Variants in CMSS1 observed in about 807,000 individuals in gnomAD.
CMSS1 encodes protein CMSS1.
In CMSS1, 33 loss-of-function variants were observed where a neutral mutation model predicts 43.5. The observed-to-expected ratio is 0.76, with a 90% CI of 0.57 to 1.01. The LOEUF (loss-of-function observed/expected upper bound fraction) is 1.01, where lower values mean the gene tolerates loss of function less well. Among genes scored for constraint, CMSS1 ranks in the 50% least tolerant of loss-of-function variants. The pLI, the probability that CMSS1 is intolerant of heterozygous loss-of-function variation, is 0.00. For missense variants in CMSS1, 313 were observed against 326.4 expected, an observed-to-expected ratio of 0.96 and a Z score of 0.32; for synonymous variants, 115 against 117.2, an observed-to-expected ratio of 0.98 and a Z score of 0.12.
intron 1 of CMSS1, among the ~76,000 whole-genome samples, chr3:99,823,958 T>G (rs1354953606): frequency 6.6e-6 from 1 of 150,702 alleles, no homozygotes; most frequent in African/African-American, 2.4e-5. Context: ...AGTCTCGCCC[T>G]GTCACCCAGG....
At chr3:99,832,018 G>A (rs1257674213) in intron 1 of CMSS1, among the ~76,000 whole-genome samples, 8 of 152,166 alleles carry the variant, frequency 5.3e-5, no homozygotes, top group Non-Finnish European at 8.8e-5. Context: ...ACACTGATAC[G>A]TGTTGGTGAA....
chr3:100,013,007 G>A (rs991358570), intron 1 of CMSS1, among the ~76,000 whole-genome samples: 3 of 151,708 alleles, frequency 2.0e-5, no homozygotes, highest in South Asian at 2.1e-4. Flanking sequence ...CATGTTGTCC[G>A]GGCTGATCTT....
At chr3:100,089,192 G>A (rs2066062630) in intron 1 of CMSS1, among the ~76,000 whole-genome samples, 1 of 152,162 alleles carries the variant, frequency 6.6e-6, no homozygotes, top group Non-Finnish European at 1.5e-5. Flanking sequence ...CCAACGTCTA[G>A]CTCTTGTTTT....
At chr3:99,902,591 G>A (rs1706472697) in intron 1 of CMSS1, among the ~76,000 whole-genome samples, 1 of 152,108 alleles carries the variant, frequency 6.6e-6, no homozygotes. Flanking sequence ...TTTGATCCAG[G>A]GAAGAAACCT....
intron 1 of CMSS1, among the ~76,000 whole-genome samples, chr3:100,119,631 T>A (rs2066603420): frequency 6.6e-6 from 1 of 152,132 alleles, no homozygotes; most frequent in African/African-American, 2.4e-5. Context: ...TTTAACCAAA[T>A]GAACAAAGGA....
At chr3:99,888,804 T>C (rs1028898221) in intron 1 of CMSS1, among the ~76,000 whole-genome samples, 1 of 152,184 alleles carries the variant, frequency 6.6e-6, no homozygotes, top group African/African-American at 2.4e-5. Flanking sequence ...TAAATTTCCT[T>C]GCAAAAAAAT....
intron 1 of CMSS1, among the ~76,000 whole-genome samples, chr3:99,856,837 GAGTATT>G (rs764467674): frequency 1.6e-4 from 24 of 152,114 alleles, no homozygotes; most frequent in African/African-American, 5.6e-4. Flanking sequence ...GTGAGACACT[GAGTATT>G]AGTAATAATG....
chr3:100,108,002 G>C (rs1379663715), intron 1 of CMSS1, among the ~76,000 whole-genome samples: 1 of 152,012 alleles, frequency 6.6e-6, no homozygotes, highest in Non-Finnish European at 1.5e-5. Flanking sequence ...TCAATTTTCT[G>C]GGATTTTTCT....
intron 1 of CMSS1, among the ~76,000 whole-genome samples, chr3:99,977,471 G>GTAGC (rs1346195084): frequency 1.3e-5 from 2 of 152,076 alleles, no homozygotes; most frequent in Non-Finnish European, 2.9e-5. Flanking sequence ...GTTGGATAGA[G>GTAGC]TAGCTATGAG....
At chr3:99,930,893 T>A (rs1707460104) in intron 1 of CMSS1, 1 of 1,613,444 alleles carries the variant, frequency 6.2e-7, no homozygotes, top group African/African-American at 1.3e-5. Flanking sequence ...TACATCCGAC[T>A]CACTGGGGGA....
intron 1 of CMSS1, among the ~76,000 whole-genome samples, chr3:99,885,595 G>A (rs1194560226): frequency 6.6e-6 from 1 of 152,230 alleles, no homozygotes; most frequent in East Asian, 1.9e-4. Context: ...GACTCAAAAT[G>A]TAAAAGTGGC....
intron 1 of CMSS1, among the ~76,000 whole-genome samples, chr3:100,142,256 A>G (rs1576100070): frequency 6.6e-6 from 1 of 152,290 alleles, no homozygotes; most frequent in East Asian, 1.9e-4. Flanking sequence ...CTCCATATCC[A>G]TGGGCTCCAC....
At chr3:99,900,622 A>C (rs570532776) in intron 1 of CMSS1, among the ~76,000 whole-genome samples, 1 of 152,330 alleles carries the variant, frequency 6.6e-6, no homozygotes, top group East Asian at 1.9e-4. Context: ...ATTTCTTCAC[A>C]CACTTAATAT....
intron 8 of CMSS1, among the ~76,000 whole-genome samples, chr3:100,172,701 G>C (rs1001157517): frequency 1.3e-5 from 2 of 152,182 alleles, no homozygotes; most frequent in Non-Finnish European, 2.9e-5. Context: ...GCCACTGCTT[G>C]AGTTGAGCAG....
At chr3:100,025,652 T>C (rs188689152) in intron 1 of CMSS1, 20 of 152,334 alleles carry the variant, frequency 1.3e-4, no homozygotes, top group African/African-American at 3.6e-4. Flanking sequence ...ATGTTATTTC[T>C]GTTTGCTGAG....
At chr3:99,866,813 T>TA (rs1404349210) in intron 1 of CMSS1, among the ~76,000 whole-genome samples, 2 of 152,214 alleles carry the variant, frequency 1.3e-5, no homozygotes, top group African/African-American at 4.8e-5. Flanking sequence ...CATCTCTAAT[T>TA]ACAGACAGGT....
intron 1 of CMSS1, among the ~76,000 whole-genome samples, chr3:99,955,266 T>A (rs1576598672): frequency 6.6e-6 from 1 of 152,222 alleles, no homozygotes; most frequent in Non-Finnish European, 1.5e-5. Context: ...ACAGAGCTAT[T>A]AGCAAAACTT....
At chr3:99,848,333 G>C (rs537619245) in intron 1 of CMSS1, 4 of 1,614,144 alleles carry the variant, frequency 2.5e-6, no homozygotes, top group African/African-American at 2.7e-5. Flanking sequence ...GTGGCTGTTG[G>C]TGTGATAGTA....
intron 1 of CMSS1, among the ~76,000 whole-genome samples, chr3:100,087,410 G>T (rs1467327625): frequency 3.3e-5 from 5 of 152,076 alleles, no homozygotes; most frequent in African/African-American, 4.8e-5. Flanking sequence ...ACTGGGTTTT[G>T]TTTTCTTTTG....
Sources: allele counts gnomAD v4.1 joint callset (sites outside exome capture counted in the v4.1 genomes callset), GRCh38; gene constraint gnomAD v4.1.1; transcripts MANE v1.5; gene names NCBI Gene and HGNC (gene_info 2026-07-23, HGNC 2026-07-21).